PDZD2: variants seen among roughly 807,000 people sequenced by gnomAD.
PDZD2 encodes PDZ domain containing 2.
In PDZD2, 90 loss-of-function variants were observed where a neutral mutation model predicts 220.7. That is an observed-to-expected ratio of 0.41 (90% CI 0.34 to 0.49). The LOEUF (loss-of-function observed/expected upper bound fraction) is 0.49. Ranked by LOEUF, PDZD2 falls within the 20% of genes least tolerant of loss-of-function variation. The probability of loss-of-function intolerance (pLI) is 0.28; values close to 1 mark genes in which losing one functional copy is unlikely to be tolerated. For missense variants in PDZD2, 3,174 were observed against 3,608.5 expected (o/e 0.88, Z 3.08); for synonymous variants, 1,375 against 1,450.5 (o/e 0.95, Z 1.18).
intron 1 of PDZD2, among the ~76,000 whole-genome samples, chr5:31,666,159 C>T (rs1057078452): frequency 6.6e-5 from 10 of 152,040 alleles, no homozygotes; most frequent in African/African-American, 2.2e-4. Flanking sequence ...ACATCGAGAT[C>T]GAGGCAGGGC....
chr5:31,953,756 G>A (rs999927793), intron 2 of PDZD2, among the ~76,000 whole-genome samples: 10 of 151,830 alleles, frequency 6.6e-5, no homozygotes, highest in African/African-American at 2.4e-4. Flanking sequence ...CCAGGTTGAA[G>A]CAATTCTGCC....
chr5:31,911,389 C>T (rs1317650446), intron 2 of PDZD2, among the ~76,000 whole-genome samples: 1 of 152,228 alleles, frequency 6.6e-6, no homozygotes, highest in Non-Finnish European at 1.5e-5. Context: ...GAGACTCACC[C>T]TTTGTGGAGC....
intron 3 of PDZD2, among the ~76,000 whole-genome samples, chr5:31,988,781 C>A (rs1257097076): frequency 1.3e-5 from 2 of 152,168 alleles, no homozygotes; most frequent in Non-Finnish European, 2.9e-5. Flanking sequence ...CACCTCTGAG[C>A]CTTTGCGAGT....
At chr5:32,076,756 C>T (rs1741341741) in intron 18 of PDZD2, among the ~76,000 whole-genome samples, 1 of 152,306 alleles carries the variant, frequency 6.6e-6, no homozygotes, top group Non-Finnish European at 1.5e-5. Context: ...TTTTATGTTA[C>T]ATTTGTGTTA....
chr5:31,794,722 T>G (rs1040371085), intron 1 of PDZD2, among the ~76,000 whole-genome samples: 1 of 152,192 alleles, frequency 6.6e-6, no homozygotes, highest in East Asian at 1.9e-4. Context: ...TTGGTTTCTT[T>G]TAAAAAATTT....
intron 1 of PDZD2, among the ~76,000 whole-genome samples, chr5:31,785,051 A>G (rs1271048722): frequency 6.6e-6 from 1 of 152,104 alleles, no homozygotes; most frequent in Admixed American, 6.6e-5. Flanking sequence ...CCCTTCCTGT[A>G]CTCACCTGGG....
intron 5 of PDZD2, among the ~76,000 whole-genome samples, chr5:32,002,940 CGA>C (rs1752363425): frequency 2.8e-5 from 3 of 108,782 alleles, no homozygotes; most frequent in Non-Finnish European, 3.7e-5. Flanking sequence ...TCACACACCA[CGA>C]ACACACACAC....
intron 1 of PDZD2, among the ~76,000 whole-genome samples, chr5:31,654,739 A>G (rs1372216443): frequency 6.6e-6 from 1 of 152,112 alleles, no homozygotes. Context: ...GGGCTATTTT[A>G]GGAATCTCCC....
At chr5:32,012,254 A>G (rs1338622990) in intron 6 of PDZD2, among the ~76,000 whole-genome samples, 1 of 152,166 alleles carries the variant, frequency 6.6e-6, no homozygotes. Context: ...AAAGCTAAGT[A>G]AGCCCTGGGT....
At position 31,976,766 on chromosome 5, in the gene PDZD2, G is replaced by A. The variant is rs372097202; in HGVS notation, c.477-6389G>A. Among the ~76,000 whole-genome samples the A allele has an allele frequency of 3.9e-3, 533 of 137,710 alleles. 2 individuals are homozygous for A. The highest frequency in any genetic ancestry group is 0.013 in the African/African-American group (479 of 36,822). 90.3% of individuals were successfully genotyped at this position (137,710 alleles called of 152,430 possible). On this transcript the variant is annotated intron_variant, in intron 2 of 24. Transcript: ENST00000438447. ...AGAGTCTCCCTCGGTTGCCCAGGCT[G>A]GAGTGCCCTGGTGCCATCTTGGCTC...
At chr5:31,712,417 G>A (rs146252337) in intron 1 of PDZD2, among the ~76,000 whole-genome samples, 32 of 151,780 alleles carry the variant, frequency 2.1e-4, no homozygotes, top group African/African-American at 7.7e-4. Context: ...CTGGACGACT[G>A]GGTTCAGCTG....
intron 1 of PDZD2, among the ~76,000 whole-genome samples, chr5:31,689,353 A>ATATCTTTTTTT: frequency 2.8e-5 from 1 of 35,142 alleles, no homozygotes; most frequent in Admixed American, 5.1e-4. Context: ...ATATATATAT[A>ATATCTTTTTTT]TTTTTTTTTT....
At chr5:31,909,580 G>T (rs1742991914) in intron 2 of PDZD2, among the ~76,000 whole-genome samples, 1 of 151,936 alleles carries the variant, frequency 6.6e-6, no homozygotes, top group African/African-American at 2.4e-5. Context: ...AAAGGTTTTT[G>T]GCCAACATTA....
intron 1 of PDZD2, among the ~76,000 whole-genome samples, chr5:31,749,375 G>A (rs1301351240): frequency 1.3e-5 from 2 of 151,746 alleles, no homozygotes; most frequent in African/African-American, 2.4e-5. Flanking sequence ...GTAGACGTCT[G>A]TCTCCATTGT....
rs1281398888 is a variant in PDZD2, at chr5:32,048,653, C to T, written c.1634C>T (p.Pro545Leu). Reference protein sequence around the residue: ...VSRDGRKHSLPQLLDSSSASQ... With the variant: ...VSRDGRKHSLLQLLDSSSASQ... Reference sequence around the variant, plus strand: ...CGAGATGGCCGGAAACACTCCCTCCCGCAGCTGCTGGACTCTTCCAGTGCC... The same window carrying T: ...CGAGATGGCCGGAAACACTCCCTCCTGCAGCTGCTGGACTCTTCCAGTGCC... The change falls in exon 8 of 25, where the codon CCG becomes CTG. Residue 545 changes from proline to leucine, a missense_variant. Physicochemically the swap from Pro to Leu is moderately conservative, Grantham distance 98. Transcript: ENST00000438447. 6 of 1,614,112 alleles carry T rather than the reference C, an allele frequency of 3.7e-6. No homozygotes were observed. Among genetic ancestry groups the T allele is most frequent in the Admixed American group, 1.7e-5 (1 of 60,018 alleles).
chr5:31,825,638 C>T (rs184229653), intron 2 of PDZD2, among the ~76,000 whole-genome samples: 137 of 152,284 alleles, frequency 9.0e-4, no homozygotes, highest in Non-Finnish European at 1.1e-3. Flanking sequence ...TTTTTCCAGA[C>T]CTTTTTTCAA....
Position 31,777,550 on chromosome 5 carries a change from C to T in PDZD2, c.-360-21339C>T, listed in dbSNP as rs367546728. On this transcript the variant is annotated intron_variant, in intron 1 of 24. Coordinates refer to ENST00000438447, the MANE Select transcript of PDZD2 (RefSeq NM_178140.4). ...CAGCTCTGCCCTTATGGCCCCCACGCGGGATCCACTAGATGAAGCCAGCTG... is the reference window on the plus strand; with the variant it reads ...CAGCTCTGCCCTTATGGCCCCCACGTGGGATCCACTAGATGAAGCCAGCTG... 2.0e-4 allele frequency among the ~76,000 whole-genome samples: 31 copies of T among 152,384 alleles called. No individual in the cohort carries two copies. The South Asian group carries it at 4.1e-3, about 20-fold the overall frequency.
chr5:32,057,138 T>C (rs372145797), intron 10 of PDZD2, among the ~76,000 whole-genome samples: 1 of 152,196 alleles, frequency 6.6e-6, no homozygotes, highest in South Asian at 2.1e-4. Flanking sequence ...AGACTGTTTC[T>C]GGGCTGCCAT....
intron 2 of PDZD2, among the ~76,000 whole-genome samples, chr5:31,980,129 G>T (rs372533071): frequency 5.0e-4 from 76 of 152,208 alleles, no homozygotes; most frequent in African/African-American, 1.7e-3. Flanking sequence ...GCTGGGTTGG[G>T]CAACCGTCAC....
Sources: allele counts gnomAD v4.1 joint callset (sites outside exome capture counted in the v4.1 genomes callset), GRCh38; gene constraint gnomAD v4.1.1; transcripts MANE v1.5; gene names NCBI Gene and HGNC (gene_info 2026-07-23, HGNC 2026-07-21).